The following CCDC12 variants were observed in gnomAD, a reference collection of about 807,000 sequenced individuals.
The protein encoded by CCDC12 is coiled-coil domain-containing protein 12.
In CCDC12, 28 loss-of-function variants were observed where a neutral mutation model predicts 25.7. That is an observed-to-expected ratio of 1.09 (90% CI 0.81 to 1.50). The LOEUF (loss-of-function observed/expected upper bound fraction) is 1.50. Ranked by LOEUF, CCDC12 falls within the 40% of genes most tolerant of loss-of-function variation. The pLI is 0.00. For missense variants in CCDC12, 198 were observed against 210.0 expected (o/e 0.94, Z 0.35); for synonymous variants, 75 against 87.7 (o/e 0.86, Z 0.81).
At chr3:46,939,347 CTCA>C (rs2033600880) in intron 2 of CCDC12, among the ~76,000 whole-genome samples, 1 of 152,062 alleles carries the variant, frequency 6.6e-6, no homozygotes, top group Non-Finnish European at 1.5e-5. Context: ...ACCCTTCTCT[CTCA>C]TCGAGGAGGG....
At chr3:46,962,132 C>T (rs1012800989) in intron 1 of CCDC12, among the ~76,000 whole-genome samples, 1 of 152,082 alleles carries the variant, frequency 6.6e-6, no homozygotes, top group Non-Finnish European at 1.5e-5. Context: ...AACTACTATT[C>T]GCCAAAGAAT....
chr3:46,942,619 C>T (rs1415711144), intron 1 of CCDC12, among the ~76,000 whole-genome samples: 1 of 152,188 alleles, frequency 6.6e-6, no homozygotes, highest in Admixed American at 6.5e-5. Flanking sequence ...ACACAACCTC[C>T]GGGGAGCAGA....
intron 1 of CCDC12, among the ~76,000 whole-genome samples, chr3:46,951,770 ACTC>A (rs2034121912): frequency 1.0e-5 from 1 of 97,756 alleles, no homozygotes; most frequent in South Asian, 3.9e-4. Context: ...ACAGAACGAG[ACTC>A]CGTCTCAAAA....
intron 1 of CCDC12, among the ~76,000 whole-genome samples, chr3:46,960,023 C>T (rs935117706): frequency 1.1e-4 from 17 of 152,270 alleles, no homozygotes; most frequent in African/African-American, 3.4e-4. Flanking sequence ...CTCCTCCACG[C>T]GACATGCATG....
Position 46,922,078 on chromosome 3 carries a change from T to C in CCDC12, c.480A>G (p.Gln160=), listed in dbSNP as rs1348576012. The C allele has an allele frequency of 6.2e-7, 1 of 1,614,202 alleles. No individual in the cohort carries two copies. The highest frequency in any genetic ancestry group is 1.7e-5 in the Admixed American group (1 of 60,034). The change falls in exon 7 of 7, where the codon CAA becomes CAG. Residue 160 remains glutamine (Q), a synonymous_variant. Transcript: ENST00000683445. ...TGCCTCAGTCGGAGTCACAGGTCTT[T>C]TGTTCGGTGGCAGCATCCACTGCAG... ...LASAVDAATE[Q]KTCDSD
intron 1 of CCDC12, among the ~76,000 whole-genome samples, chr3:46,944,139 G>C (rs774905692): frequency 6.6e-6 from 1 of 152,144 alleles, no homozygotes; most frequent in Non-Finnish European, 1.5e-5. Flanking sequence ...ACCCATTCTA[G>C]GTCCTCAGTT....
intron 1 of CCDC12, among the ~76,000 whole-genome samples, chr3:46,955,747 AG>A (rs1413121631): frequency 6.6e-6 from 1 of 152,212 alleles, no homozygotes; most frequent in Non-Finnish European, 1.5e-5. Flanking sequence ...CAGAAAGCAA[AG>A]GGGCCCCCCG....
At chr3:46,940,945 A>G (rs2033674789) in intron 2 of CCDC12, 53 bp downstream of exon 2, 1 of 1,557,400 alleles carries the variant, frequency 6.4e-7, no homozygotes, top group African/African-American at 1.4e-5. Flanking sequence ...AGACTGGGAG[A>G]CCGATGAGTG....
At chr3:46,930,832 G>A (rs938796504) in intron 2 of CCDC12, among the ~76,000 whole-genome samples, 17 of 152,096 alleles carry the variant, frequency 1.1e-4, no homozygotes, top group African/African-American at 3.9e-4. Context: ...CCCTTCTCCT[G>A]GGCCCCCTTT....
At chr3:46,942,913 C>A (rs568383158) in intron 1 of CCDC12, among the ~76,000 whole-genome samples, 1 of 152,148 alleles carries the variant, frequency 6.6e-6, no homozygotes, top group African/African-American at 2.4e-5. Flanking sequence ...GGAAGCAGAG[C>A]TTGAACAAAG....
chr3:46,976,368 G>A (rs2107212676), intron 1 of CCDC12: 1 of 1,373,252 alleles, frequency 7.3e-7, no homozygotes, highest in Non-Finnish European at 9.4e-7. Flanking sequence ...CAACACCCGG[G>A]AAGCAGGAGT....
At chr3:46,951,639 GC>G (rs1222460678) in intron 1 of CCDC12, among the ~76,000 whole-genome samples, 2 of 149,090 alleles carry the variant, frequency 1.3e-5, no homozygotes, top group Admixed American at 1.3e-4. Flanking sequence ...AATTAGCCGG[GC>G]GTGGTGGCGG....
At position 46,922,091 on chromosome 3, in the gene CCDC12, G is replaced by A. The variant is rs750477468; in HGVS notation, c.467C>T (p.Ala156Val). Residue 156 changes from alanine to valine, a missense_variant, in exon 7 of 7, where the codon GCT becomes GTT. Transcript: ENST00000683445. ...GTCACAGGTCTTTTGTTCGGTGGCA[G>A]CATCCACTGCAGAGGCTAGGCTGTC... ...QEDSLASAVD[A>V]ATEQKTCDSD is the part of the protein sequence containing the mutation. 6 of 1,614,124 alleles carry A rather than the reference G, an allele frequency of 3.7e-6. No homozygotes were observed. The Admixed American group carries it at 6.7e-5, about 18-fold the overall frequency.
chr3:46,931,604 G>GGAGGGAGGCCT (rs372614052), intron 2 of CCDC12, among the ~76,000 whole-genome samples: 47,851 of 151,972 alleles, frequency 0.31, 8,029 homozygotes, highest in East Asian at 0.54. Flanking sequence ...CTGCTGCCCT[G>GGAGGGAGGCCT]GGCCCCTGGA....
At chr3:46,964,825 A>G (rs2034592585) in intron 1 of CCDC12, among the ~76,000 whole-genome samples, 1 of 152,164 alleles carries the variant, frequency 6.6e-6, no homozygotes, top group African/African-American at 2.4e-5. Context: ...TGAAGGCCGC[A>G]GGGTCCTCTG....
chr3:46,967,899 C>CT (rs1168107024), intron 1 of CCDC12, among the ~76,000 whole-genome samples: 1 of 152,124 alleles, frequency 6.6e-6, no homozygotes, highest in African/African-American at 2.4e-5. Flanking sequence ...ACCTGGGGAA[C>CT]TTTAAGAATG....
upstream of CCDC12, chr3:46,976,874 G>C (rs1296697217): frequency 7.1e-7 from 1 of 1,403,098 alleles, no homozygotes; most frequent in East Asian, 2.7e-5. Context: ...GGTTATTATG[G>C]GCGAGCCCTC....
At chr3:46,927,727 T>C (rs2107109027) in intron 2 of CCDC12, among the ~76,000 whole-genome samples, 1 of 152,300 alleles carries the variant, frequency 6.6e-6, no homozygotes, top group East Asian at 1.9e-4. Context: ...TGCATCCAGC[T>C]CTATCAAGCT....
rs368218502 is a variant in CCDC12, at chr3:46,922,329, G to A, written c.342-17C>T. 3.5e-4 allele frequency: 572 copies of A among 1,614,134 alleles called. 1 individual carries two copies. In the East Asian group the frequency reaches 8.7e-3, roughly 25 times the overall value. ...TTGAGGTCCCTGGAGCAGGGAGGCA[G>A]GGAGAAGCAGGAAGGTGAAGGCTGG... On this transcript the variant is annotated splice_polypyrimidine_tract_variant and intron_variant, in intron 5 of 6. Coordinates refer to ENST00000683445, the MANE Select transcript of CCDC12 (RefSeq NM_001277074.2).
Sources: allele counts gnomAD v4.1 joint callset (sites outside exome capture counted in the v4.1 genomes callset), GRCh38; gene constraint gnomAD v4.1.1; transcripts MANE v1.5; gene names NCBI Gene and HGNC (gene_info 2026-07-23, HGNC 2026-07-21).